The following AFF3 variants were observed in gnomAD, a reference collection of about 807,000 sequenced individuals.
AFF3 encodes ALF transcription elongation factor 3.
AFF3 carries 32 observed loss-of-function variants against 129.7 expected under a neutral mutation model. The ratio of observed to expected loss-of-function variants is 0.25; its 90% CI spans 0.19 to 0.33. The LOEUF is 0.33. AFF3 is among the 10% of genes least tolerant of loss of function. The pLI is 1.00. For missense variants in AFF3, 1,373 were observed against 1,592.0 expected, an observed-to-expected ratio of 0.86 and a Z score of 2.34; for synonymous variants, 644 against 635.4, an observed-to-expected ratio of 1.01 and a Z score of -0.20.
chr2:99,985,448 T>C (rs1272660412), intron 7 of AFF3, among the ~76,000 whole-genome samples: 1 of 152,220 alleles, frequency 6.6e-6, no homozygotes, highest in Admixed American at 6.5e-5. Context: ...GCATGGCACA[T>C]GCAGTAAAAG....
At chr2:99,766,318 G>C (rs1040212258) in intron 8 of AFF3, among the ~76,000 whole-genome samples, 2 of 152,216 alleles carry the variant, frequency 1.3e-5, no homozygotes, top group Non-Finnish European at 2.9e-5. Flanking sequence ...CAAATGAGCA[G>C]GCTTCTACTA....
chr2:99,603,505 T>C (rs922998024), intron 13 of AFF3, among the ~76,000 whole-genome samples: 1 of 152,182 alleles, frequency 6.6e-6, no homozygotes, highest in Admixed American at 6.5e-5. Context: ...GACTTAAATT[T>C]ACAAACTAAA....
Position 99,947,197 on chromosome 2 carries a change from T to C in AFF3, c.873+59435A>G, listed in dbSNP as rs141082501. Among the ~76,000 whole-genome samples, 531 of 152,174 alleles carry C rather than the reference T, an allele frequency of 3.5e-3. 3 individuals are homozygous for C. Among genetic ancestry groups the C allele is most frequent in the African/African-American group, 0.011 (476 of 41,504 alleles). On this transcript the variant is annotated intron_variant, in intron 7 of 24. Transcript: ENST00000672756. ...GGCTCATGCCTGTAATCCTAGCACT[T>C]TGGGAGGCTGTGGTGGGCAGATCAC...
chr2:99,779,362 T>C (rs566421321), intron 8 of AFF3, among the ~76,000 whole-genome samples: 1 of 152,344 alleles, frequency 6.6e-6, no homozygotes, highest in Non-Finnish European at 1.5e-5. Flanking sequence ...CTTTGAATTC[T>C]TGGCATAAAT....
rs186181825 is a variant in AFF3, at chr2:99,850,053, T to A, written c.874-12529A>T. Among the ~76,000 whole-genome samples, 5 of 152,304 alleles carry A rather than the reference T, an allele frequency of 3.3e-5. No individual in the cohort carries two copies. The East Asian group carries it at 9.6e-4, about 29-fold the overall frequency. On this transcript the variant is annotated intron_variant, in intron 7 of 24. Transcript: ENST00000672756. ...AAATAAATTATAAAGTATAGTAGAA[T>A]ATGGAATGTTATAGGGAAAAGTTAG...
intron 13 of AFF3, among the ~76,000 whole-genome samples, chr2:99,648,296 C>G (rs866155146): frequency 1.1e-4 from 2 of 17,532 alleles, no homozygotes; most frequent in African/African-American, 2.5e-4. Context: ...TAACAATGAC[C>G]AAGTTTCCCT....
chr2:99,687,571 C>G (rs1675195116), intron 11 of AFF3, among the ~76,000 whole-genome samples: 1 of 152,128 alleles, frequency 6.6e-6, no homozygotes, highest in South Asian at 2.1e-4. Context: ...GAGGTGGGCT[C>G]TCACTGGCCT....
At chr2:99,680,066 G>A (rs1333187936) in intron 11 of AFF3, among the ~76,000 whole-genome samples, 1 of 152,150 alleles carries the variant, frequency 6.6e-6, no homozygotes, top group Non-Finnish European at 1.5e-5. Context: ...TGCCACACAC[G>A]GTTTGTGTGA....
At chr2:99,916,605 A>C (rs1017342178) in intron 7 of AFF3, among the ~76,000 whole-genome samples, 1 of 152,146 alleles carries the variant, frequency 6.6e-6, no homozygotes, top group Non-Finnish European at 1.5e-5. Context: ...AAGATCTTCC[A>C]ACAGGTTCTC....
chr2:99,754,184 G>C lies in AFF3; in HGVS notation c.922-1883C>G, dbSNP rs141951554. On this transcript the variant is annotated intron_variant, in intron 8 of 24. Coordinates refer to ENST00000672756, the MANE Select transcript of AFF3 (RefSeq NM_001386135.1). ...ATTTTCATTACTGGAGAGGATATGT[G>C]ATTTTGCTATAAGTGGCTTCAAATC... 5.9e-5 allele frequency among the ~76,000 whole-genome samples: 9 copies of C among 152,306 alleles called. No individual in the cohort carries two copies. In the East Asian group the frequency reaches 9.7e-4, roughly 16 times the overall value.
intron 4 of AFF3, among the ~76,000 whole-genome samples, chr2:100,070,701 T>C (rs1019064164): frequency 2.0e-5 from 3 of 152,204 alleles, no homozygotes; most frequent in Non-Finnish European, 1.5e-5. Context: ...TGATCCAAAC[T>C]GGCCATGGCT....
At chr2:100,003,375 C>T (rs1247064697) in intron 7 of AFF3, among the ~76,000 whole-genome samples, 1 of 152,134 alleles carries the variant, frequency 6.6e-6, no homozygotes, top group East Asian at 1.9e-4. Context: ...GTGTGCTGTG[C>T]CCTAGAACAT....
intron 11 of AFF3, 46 bp downstream of exon 11, chr2:99,727,031 C>T (rs1367918089): frequency 9.3e-6 from 14 of 1,501,070 alleles, no homozygotes; most frequent in Non-Finnish European, 1.3e-5. Flanking sequence ...TTTTATGAGG[C>T]ATATTTAAGA....
At chr2:99,639,923 C>T (rs1250135077) in intron 13 of AFF3, among the ~76,000 whole-genome samples, 2 of 151,972 alleles carry the variant, frequency 1.3e-5, no homozygotes, top group Non-Finnish European at 2.9e-5. Flanking sequence ...GAACTCCTGG[C>T]CTCGAGTGAG....
chr2:99,615,717 C>T (rs200448787), intron 13 of AFF3, among the ~76,000 whole-genome samples: 10 of 152,186 alleles, frequency 6.6e-5, no homozygotes, highest in Non-Finnish European at 1.2e-4. Context: ...GGCTGGCTGG[C>T]GGGTGGGATG....
chr2:99,699,542 G>C (rs1418871511), intron 11 of AFF3, among the ~76,000 whole-genome samples: 2 of 152,178 alleles, frequency 1.3e-5, no homozygotes, highest in African/African-American at 4.8e-5. Context: ...TGAACTTCTA[G>C]GGATAACGTA....
chr2:99,968,254 C>T (rs1677986755), intron 7 of AFF3, among the ~76,000 whole-genome samples: 1 of 152,198 alleles, frequency 6.6e-6, no homozygotes, highest in Admixed American at 6.5e-5. Context: ...CTCCCACTTG[C>T]TCAACTTGGT....
intron 13 of AFF3, among the ~76,000 whole-genome samples, chr2:99,647,354 C>CA: frequency 6.6e-6 from 1 of 152,192 alleles, no homozygotes; most frequent in Non-Finnish European, 1.5e-5. Context: ...TTTGCAGAGA[C>CA]ATGGATGGAG....
intron 9 of AFF3, among the ~76,000 whole-genome samples, chr2:99,748,659 C>A (rs370871641): frequency 6.6e-6 from 1 of 152,144 alleles, no homozygotes; most frequent in Non-Finnish European, 1.5e-5. Flanking sequence ...TGCTTTGAAA[C>A]CTTCTTGACT....
Sources: allele counts gnomAD v4.1 joint callset (sites outside exome capture counted in the v4.1 genomes callset), GRCh38; gene constraint gnomAD v4.1.1; transcripts MANE v1.5; gene names NCBI Gene and HGNC (gene_info 2026-07-23, HGNC 2026-07-21).